The following LHFPL7 variants were observed in gnomAD, a reference collection of about 807,000 sequenced individuals.
LHFPL7 encodes the protein LHFPL tetraspan subfamily member 7.
chr22:24,939,311 G>C, the LHFPL7 span: 1 of 702,730 alleles, frequency 1.4e-6, no homozygotes, highest in Non-Finnish European at 2.6e-6. Flanking sequence ...TGAAGACCCA[G>C]TGACTTGGTG....
At chr22:24,935,219 G>C in the LHFPL7 span, 1 of 1,389,934 alleles carries the variant, frequency 7.2e-7, no homozygotes, top group African/African-American at 1.4e-5. Context: ...GAGAGGTAAA[G>C]TGGCTTGCCT....
chr22:24,941,211 C>T, the LHFPL7 span, among the ~76,000 whole-genome samples: 2 of 151,728 alleles, frequency 1.3e-5, no homozygotes, highest in Admixed American at 6.6e-5. Context: ...GTGTGTCGGC[C>T]AGGCTGGAAT....
chr22:24,937,014 G>A, the LHFPL7 span, among the ~76,000 whole-genome samples: 1 of 151,498 alleles, frequency 6.6e-6, no homozygotes, highest in Non-Finnish European at 1.5e-5. Context: ...CACCTATTAT[G>A]TATGAAGCAC....
chr22:24,935,699 CCCACT>C, the LHFPL7 span: 3 of 1,408,486 alleles, frequency 2.1e-6, no homozygotes, highest in Middle Eastern at 5.3e-4. Context: ...CATCTATCCA[CCCACT>C]CATTCATTCA....
the LHFPL7 span, among the ~76,000 whole-genome samples, chr22:24,946,289 G>A: frequency 2.0e-5 from 3 of 152,090 alleles, no homozygotes; most frequent in African/African-American, 7.2e-5. Flanking sequence ...CAGCCTGGGC[G>A]ACAGAGCAAG....
the LHFPL7 span, among the ~76,000 whole-genome samples, chr22:24,938,813 C>T: frequency 1.3e-5 from 2 of 152,274 alleles, no homozygotes; most frequent in East Asian, 3.9e-4. Flanking sequence ...GACTTTAACA[C>T]CTTAGCTTTC....
At chr22:24,938,258 C>A in the LHFPL7 span, 1 of 1,613,994 alleles carries the variant, frequency 6.2e-7, no homozygotes, top group Non-Finnish European at 8.5e-7. Flanking sequence ...CCAACAGGAG[C>A]CAGCCTCCGA....
the LHFPL7 span, among the ~76,000 whole-genome samples, chr22:24,944,421 C>T: frequency 4.6e-5 from 7 of 152,032 alleles, no homozygotes; most frequent in East Asian, 1.9e-4. Context: ...GAGGGAGCCA[C>T]GTGGAGAGGT....
chr22:24,938,070 C>A, the LHFPL7 span: 1 of 1,498,512 alleles, frequency 6.7e-7, no homozygotes, highest in Non-Finnish European at 9.0e-7. Context: ...TGCTCACAGA[C>A]TCATTCATTC....
At chr22:24,936,920 C>G in the LHFPL7 span, among the ~76,000 whole-genome samples, 1 of 152,078 alleles carries the variant, frequency 6.6e-6, no homozygotes, top group Non-Finnish European at 1.5e-5. Flanking sequence ...CCGCCCCCCC[C>G]GCCGCCCAAC....
the LHFPL7 span, among the ~76,000 whole-genome samples, chr22:24,940,117 C>CA: frequency 2.2e-3 from 334 of 149,492 alleles, 3 homozygotes; most frequent in African/African-American, 6.8e-3. Context: ...TTAGTAGAGA[C>CA]GGGTTCCACC....
chr22:24,935,251 G>A, the LHFPL7 span: 1 of 1,522,106 alleles, frequency 6.6e-7, no homozygotes, highest in African/African-American at 1.4e-5. Flanking sequence ...GCAAGAAGGA[G>A]CAGAGATGGG....
the LHFPL7 span, among the ~76,000 whole-genome samples, chr22:24,936,591 T>G: frequency 9.2e-5 from 14 of 152,164 alleles, no homozygotes; most frequent in African/African-American, 3.1e-4. Context: ...ATAAAAGAAA[T>G]CAGAAGATCC....
At chr22:24,942,378 A>T in the LHFPL7 span, among the ~76,000 whole-genome samples, 1 of 152,238 alleles carries the variant, frequency 6.6e-6, no homozygotes, top group African/African-American at 2.4e-5. Flanking sequence ...CATGGCTGAG[A>T]CTGGAAGGTG....
the LHFPL7 span, among the ~76,000 whole-genome samples, chr22:24,943,141 T>C: frequency 6.6e-6 from 1 of 151,950 alleles, no homozygotes; most frequent in South Asian, 2.1e-4. Flanking sequence ...AGCCTCTCCT[T>C]TGGGTTGGCA....
the LHFPL7 span, among the ~76,000 whole-genome samples, chr22:24,936,768 A>ACCT: frequency 0.025 from 3,749 of 151,614 alleles, 149 homozygotes; most frequent in African/African-American, 0.086. Flanking sequence ...CTCAGGTGGG[A>ACCT]CCTCCTCCAA....
the LHFPL7 span, among the ~76,000 whole-genome samples, chr22:24,937,432 T>G: frequency 6.6e-6 from 1 of 152,160 alleles, no homozygotes; most frequent in Non-Finnish European, 1.5e-5. Context: ...CTGGGTTAGG[T>G]GGAGCCTCAT....
the LHFPL7 span, chr22:24,938,358 C>T: frequency 6.2e-7 from 1 of 1,610,786 alleles, no homozygotes; most frequent in Non-Finnish European, 8.5e-7. Flanking sequence ...AGCATCACAG[C>T]TGAGACCTGC....
the LHFPL7 span, among the ~76,000 whole-genome samples, chr22:24,940,553 A>G: frequency 0.032 from 4,745 of 150,428 alleles, 194 homozygotes; most frequent in East Asian, 0.09. Context: ...CCGAGATCGC[A>G]CCACTGCACT....
Sources: allele counts gnomAD v4.1 joint callset (sites outside exome capture counted in the v4.1 genomes callset), GRCh38; gene constraint gnomAD v4.1.1; transcripts MANE v1.5; gene names NCBI Gene and HGNC (gene_info 2026-07-23, HGNC 2026-07-21).